Variants in FGF13 observed in about 807,000 individuals in gnomAD.
FGF13 encodes the protein fibroblast growth factor homologous factor 2.
In FGF13, 2 loss-of-function variants were observed where a neutral mutation model predicts 19.5. The ratio of observed to expected loss-of-function variants is 0.10; its 90% CI spans 0.04 to 0.32. FGF13 has a LOEUF of 0.32. Among genes scored for constraint, FGF13 ranks in the 10% least tolerant of loss-of-function variants. The probability of loss-of-function intolerance (pLI) is 1.00; values close to 1 mark genes in which losing one functional copy is unlikely to be tolerated. For missense variants in FGF13, 113 were observed against 192.7 expected (o/e 0.59, Z 2.45); for synonymous variants, 72 against 76.9 (o/e 0.94, Z 0.33).
At chrX:138,943,777 T>TAG in intron 1 of FGF13, among the ~76,000 whole-genome samples, 1 of 111,551 alleles carries the variant, frequency 9.0e-6, no homozygotes, top group Non-Finnish European at 1.9e-5. Context: ...CTGAGAATAA[T>TAG]TCCATGCTAT....
chrX:138,814,751 A>G (rs1243349124), intron 3 of FGF13, among the ~76,000 whole-genome samples: 1 of 111,546 alleles, frequency 9.0e-6, no homozygotes, highest in Non-Finnish European at 1.9e-5. Flanking sequence ...GGGAATGTAA[A>G]TTAGTACAGC....
intron 3 of FGF13, among the ~76,000 whole-genome samples, chrX:138,691,857 T>C (rs2089841866): frequency 8.9e-6 from 1 of 112,169 alleles, no homozygotes; most frequent in Non-Finnish European, 1.9e-5. Flanking sequence ...AATGATAGCA[T>C]AGATGTGTTA....
At chrX:138,751,467 C>T (rs1215159006) in intron 3 of FGF13, among the ~76,000 whole-genome samples, 5 of 111,556 alleles carry the variant, frequency 4.5e-5, no homozygotes, top group African/African-American at 1.6e-4. Context: ...AGGGGAGTTA[C>T]TACATAAGAT....
chrX:139,191,831 C>T (rs998896373), intron 1 of FGF13, among the ~76,000 whole-genome samples: 10 of 111,752 alleles, frequency 8.9e-5, no homozygotes, highest in Admixed American at 1.9e-4. Flanking sequence ...CTCCCACCCC[C>T]TTATCCCACC....
chrX:138,807,114 T>C (rs1454128844), intron 3 of FGF13: 1 of 110,770 alleles, frequency 9.0e-6, no homozygotes, highest in Non-Finnish European at 1.9e-5. Flanking sequence ...CAGACCCTAC[T>C]CTAACTATGT....
At chrX:139,080,549 A>G (rs1045000032) in intron 1 of FGF13, among the ~76,000 whole-genome samples, 10 of 111,342 alleles carry the variant, frequency 9.0e-5, no homozygotes, top group Non-Finnish European at 3.8e-5. Context: ...CAAAACCCAA[A>G]TTTGAGTTAA....
chrX:138,658,246 T>C (rs1490238594), intron 3 of FGF13, among the ~76,000 whole-genome samples: 1 of 112,242 alleles, frequency 8.9e-6, no homozygotes, highest in Non-Finnish European at 1.9e-5. Context: ...TGTGAGACTG[T>C]CAAAACAGAC....
intron 3 of FGF13, among the ~76,000 whole-genome samples, chrX:138,747,770 C>T (rs771604260): frequency 5.6e-4 from 62 of 111,375 alleles, no homozygotes; most frequent in African/African-American, 2.0e-3. Context: ...ATGGCCAGAG[C>T]GGGATGAGGT....
At chrX:138,910,702 T>C (rs776675027) in intron 1 of FGF13, among the ~76,000 whole-genome samples, 1 of 112,292 alleles carries the variant, frequency 8.9e-6, no homozygotes, top group South Asian at 3.8e-4. Flanking sequence ...CCTTGAAACA[T>C]GGTCTCTACA....
intron 3 of FGF13, among the ~76,000 whole-genome samples, chrX:138,696,246 T>C (rs1170618544): frequency 2.7e-5 from 3 of 112,416 alleles, no homozygotes; most frequent in Non-Finnish European, 5.6e-5. Context: ...TAAAAGGCCA[T>C]ATATTGTATT....
chrX:138,927,732 A>G (rs1194944957), intron 1 of FGF13, among the ~76,000 whole-genome samples: 1 of 111,942 alleles, frequency 8.9e-6, no homozygotes, highest in Non-Finnish European at 1.9e-5. Context: ...ACCATGGAGA[A>G]GCGTTCCACC....
intron 3 of FGF13, among the ~76,000 whole-genome samples, chrX:138,834,429 T>C (rs1175785143): frequency 1.8e-5 from 2 of 111,512 alleles, no homozygotes; most frequent in Non-Finnish European, 3.8e-5. Flanking sequence ...TTCTGGTTTG[T>C]GTGCAAAGAA....
intron 1 of FGF13, among the ~76,000 whole-genome samples, chrX:138,904,568 G>C (rs781214495): frequency 7.2e-5 from 8 of 111,384 alleles, no homozygotes; most frequent in Non-Finnish European, 1.3e-4. Flanking sequence ...AATAAACTCT[G>C]GTGGTGGACA....
chrX:138,946,547 A>G (rs1187610682), intron 1 of FGF13, among the ~76,000 whole-genome samples: 3 of 112,016 alleles, frequency 2.7e-5, no homozygotes, highest in African/African-American at 9.7e-5. Flanking sequence ...TTTGAATCTC[A>G]ATTATTGCAT....
chrX:138,763,440 C>T (rs1602804302), intron 3 of FGF13, among the ~76,000 whole-genome samples: 1 of 111,958 alleles, frequency 8.9e-6, no homozygotes, highest in East Asian at 2.8e-4. Context: ...CTTGCATTGT[C>T]ACATCCAACA....
At chrX:139,106,231 T>C (rs1377258884) in intron 1 of FGF13, among the ~76,000 whole-genome samples, 3 of 112,391 alleles carry the variant, frequency 2.7e-5, no homozygotes, top group Non-Finnish European at 3.8e-5. Context: ...TTAAGCCTCC[T>C]GGCAACTCCA....
At chrX:138,878,801 C>T (rs2091406547) in intron 1 of FGF13, among the ~76,000 whole-genome samples, 1 of 111,664 alleles carries the variant, frequency 9.0e-6, no homozygotes, top group Non-Finnish European at 1.9e-5. Flanking sequence ...TCCACGTCCT[C>T]TCCAGCACCT....
intron 1 of FGF13, among the ~76,000 whole-genome samples, chrX:138,944,508 A>AGG (rs2091773003): frequency 3.4e-5 from 1 of 29,312 alleles, no homozygotes; most frequent in African/African-American, 1.4e-4. Flanking sequence ...AGCAAAAAAA[A>AGG]AGAAAAAAAA....
chrX:138,908,372 T>C (rs1436907712), intron 1 of FGF13, among the ~76,000 whole-genome samples: 23 of 107,225 alleles, frequency 2.1e-4, no homozygotes, highest in Admixed American at 1.0e-3. Context: ...CCACCGTGCC[T>C]GGCCATCATT....
Sources: gnomAD v4.1 joint callset for allele counts (sites outside exome capture counted in the v4.1 genomes callset) on GRCh38, gnomAD v4.1.1 for gene constraint, MANE v1.5 for transcripts, NCBI Gene and HGNC (gene_info 2026-07-23, HGNC 2026-07-21) for gene names.